Variants in ANKRD30B observed in about 807,000 individuals in gnomAD.
The protein encoded by ANKRD30B is ankyrin repeat domain-containing protein 30B.
ANKRD30B carries 144 observed loss-of-function variants against 202.2 expected under a neutral mutation model. That is an observed-to-expected ratio of 0.71 (90% CI 0.62 to 0.82). ANKRD30B has a LOEUF of 0.82. ANKRD30B is among the 40% of genes least tolerant of loss of function. ANKRD30B has a pLI of 0.00. For missense variants in ANKRD30B, 1,487 were observed against 1,669.1 expected, an observed-to-expected ratio of 0.89 and a Z score of 1.90; for synonymous variants, 508 against 561.3, an observed-to-expected ratio of 0.91 and a Z score of 1.34.
intron 14 of ANKRD30B, among the ~76,000 whole-genome samples, chr18:14,786,274 T>C (rs1245094059): frequency 6.6e-6 from 1 of 152,176 alleles, no homozygotes; most frequent in Non-Finnish European, 1.5e-5. Context: ...ACTCCTCAAG[T>C]CTTGTGTGGG....
At chr18:14,863,019 T>C in the ANKRD30B span, among the ~76,000 whole-genome samples, 2 of 152,224 alleles carry the variant, frequency 1.3e-5, no homozygotes, top group African/African-American at 2.4e-5. Flanking sequence ...GCAAATAACT[T>C]GGCTTTGATC....
the ANKRD30B span, among the ~76,000 whole-genome samples, chr18:14,928,988 A>T: frequency 6.6e-6 from 1 of 152,212 alleles, no homozygotes; most frequent in South Asian, 2.1e-4. Context: ...CTGATTAAAA[A>T]TGAAACAAAG....
At position 14,853,507 on chromosome 18, in the gene ANKRD30B, G is replaced by A. The variant is rs562600791; in HGVS notation, c.4477-302G>A. On this transcript the variant is annotated intron_variant, in intron 42 of 43. Transcript: ENST00000690538. ...TACAGAAGAAGGAAAGAATTCCACT[G>A]TTTAGAATTTACCACCACTAGTCCT... is the stretch of plus-strand genomic sequence containing the variant. 1.4e-3 allele frequency among the ~76,000 whole-genome samples: 211 copies of A among 148,240 alleles called. 2 individuals carry two copies. The highest frequency in any genetic ancestry group is 5.1e-3 in the African/African-American group (205 of 40,346).
rs543014155 is a variant in ANKRD30B, at chr18:14,755,017, CT to C, written c.617+21del. The C allele has an allele frequency of 0.014, 18,939 of 1,377,138 alleles. 173 individuals are homozygous for C. The highest frequency in any genetic ancestry group is 0.018 in the Middle Eastern group (96 of 5,282). The allele number at this position is 1,377,138 out of a possible 1,614,324, so 85.3% of individuals were successfully genotyped here. A position where few individuals can be genotyped will look rare whatever the true frequency, so the allele number is the denominator to read the frequency against. On this transcript the variant is annotated intron_variant, in intron 4 of 43. Transcript: ENST00000690538. ...AATGAGTCTAAATGGTATGGTAGTTCTTTTTTTTTACTAAAAAACACTTGAC... is the reference window on the plus strand; with the variant it reads ...AATGAGTCTAAATGGTATGGTAGTTCTTTTTTTTACTAAAAAACACTTGAC...
chr18:14,877,314 TGAATGAATG>T, the ANKRD30B span, among the ~76,000 whole-genome samples: 113 of 118,354 alleles, frequency 9.5e-4, no homozygotes, highest in African/African-American at 2.7e-3. Flanking sequence ...AAATGATGAA[TGAATGAATG>T]AATGAATGAA....
the ANKRD30B span, among the ~76,000 whole-genome samples, chr18:14,868,198 AG>A: frequency 6.6e-6 from 1 of 152,296 alleles, no homozygotes; most frequent in African/African-American, 2.4e-5. Context: ...GGGGCCAGGA[AG>A]GGGGAGTAGG....
intron 15 of ANKRD30B, among the ~76,000 whole-genome samples, chr18:14,788,344 T>A (rs1172698109): frequency 6.6e-6 from 1 of 152,184 alleles, no homozygotes; most frequent in Non-Finnish European, 1.5e-5. Context: ...GCCACATGAA[T>A]GTAAAGATAA....
downstream of ANKRD30B, among the ~76,000 whole-genome samples, chr18:14,859,030 G>T (rs1205955118): frequency 2.7e-5 from 3 of 111,754 alleles, no homozygotes; most frequent in Non-Finnish European, 5.7e-5. Flanking sequence ...AGACTGGGCG[G>T]CCAGGCAGAG....
At chr18:14,889,538 A>T in the ANKRD30B span, among the ~76,000 whole-genome samples, 1 of 151,988 alleles carries the variant, frequency 6.6e-6, no homozygotes, top group East Asian at 1.9e-4. Flanking sequence ...AGTGGGAACA[A>T]TGTGAATAAT....
chr18:14,758,074 A>G (rs1914660900), intron 5 of ANKRD30B, 122 bp downstream of exon 5: 1 of 1,049,950 alleles, frequency 9.5e-7, no homozygotes, highest in Non-Finnish European at 1.4e-6. Flanking sequence ...ACTAGTTAGA[A>G]GGAGTACTGG....
chr18:14,925,958 A>G, the ANKRD30B span, among the ~76,000 whole-genome samples: 1 of 152,210 alleles, frequency 6.6e-6, no homozygotes, highest in Non-Finnish European at 1.5e-5. Flanking sequence ...GTGCTCACAA[A>G]AGGTGACTTT....
chr18:14,817,485 A>G (rs1029673252), intron 30 of ANKRD30B, among the ~76,000 whole-genome samples: 1 of 152,222 alleles, frequency 6.6e-6, no homozygotes, highest in Admixed American at 6.5e-5. Context: ...TCAACCATAC[A>G]TAGGATTCCT....
intron 4 of ANKRD30B, among the ~76,000 whole-genome samples, chr18:14,756,828 G>A (rs1022688195): frequency 2.6e-5 from 4 of 152,128 alleles, no homozygotes; most frequent in African/African-American, 9.7e-5. Context: ...GAAGGCAGAG[G>A]TTGCAGTGAG....
intron 41 of ANKRD30B, among the ~76,000 whole-genome samples, chr18:14,851,130 G>T (rs1483658248): frequency 6.6e-6 from 1 of 151,806 alleles, no homozygotes; most frequent in African/African-American, 2.4e-5. Flanking sequence ...CTCTTAGTAT[G>T]GGATGTTGTA....
chr18:14,769,009 A>G (rs1916687889), intron 7 of ANKRD30B, among the ~76,000 whole-genome samples: 1 of 152,224 alleles, frequency 6.6e-6, no homozygotes, highest in South Asian at 2.1e-4. Flanking sequence ...ACTTAATAAT[A>G]ATTTTACTAT....
At chr18:14,768,196 C>T (rs9303857) in intron 7 of ANKRD30B, among the ~76,000 whole-genome samples, 54,505 of 151,650 alleles carry the variant, frequency 0.36, 10,049 homozygotes, top group Non-Finnish European at 0.4. Flanking sequence ...TTCTTTAGAA[C>T]CCAGAAGGAC....
rs760362986 is a variant in ANKRD30B, at chr18:14,796,271, T to C, written c.1854+22T>C. On this transcript the variant is annotated intron_variant, in intron 17 of 43. Coordinates refer to ENST00000690538, the MANE Select transcript of ANKRD30B (RefSeq NM_001367607.2). ...GAAGGTAATAACTTTTATATTGCTATCTTGAATACTAACTACATATTTTAG... is the reference window on the plus strand; with the variant it reads ...GAAGGTAATAACTTTTATATTGCTACCTTGAATACTAACTACATATTTTAG... The C allele has an allele frequency of 2.5e-6, 4 of 1,609,154 alleles. No individual in the cohort carries two copies. In the South Asian group the frequency reaches 4.4e-5, roughly 18 times the overall value.
intron 16 of ANKRD30B, among the ~76,000 whole-genome samples, chr18:14,793,402 G>A: frequency 6.6e-6 from 1 of 152,100 alleles, no homozygotes; most frequent in Non-Finnish European, 1.5e-5. Flanking sequence ...AGCATTCTAT[G>A]TTCAGCTTTT....
the ANKRD30B span, chr18:14,910,115 A>AT: frequency 6.6e-6 from 1 of 152,214 alleles, no homozygotes; most frequent in African/African-American, 2.4e-5. Context: ...TAATATATTT[A>AT]GGGAGTCTAA....
Sources: allele counts gnomAD v4.1 joint callset (sites outside exome capture counted in the v4.1 genomes callset), GRCh38; gene constraint gnomAD v4.1.1; transcripts MANE v1.5; gene names NCBI Gene and HGNC (gene_info 2026-07-23, HGNC 2026-07-21).